DNAAF5: variants seen among roughly 807,000 people sequenced by gnomAD.
DNAAF5 encodes the protein dynein axonemal assembly factor 5.
DNAAF5 carries 64 observed loss-of-function variants against 75.8 expected under a neutral mutation model. The ratio of observed to expected loss-of-function variants is 0.84; its 90% CI spans 0.69 to 1.04. The LOEUF (loss-of-function observed/expected upper bound fraction) is 1.04. DNAAF5 is among the 50% of genes least tolerant of loss of function. The probability of loss-of-function intolerance (pLI) is 0.00; values close to 1 mark genes in which losing one functional copy is unlikely to be tolerated. For synonymous variants in DNAAF5, 657 were observed against 557.2 expected (o/e 1.18, Z -2.52); for missense variants, 1,269 against 1,178.5 (o/e 1.08, Z -1.12).
At chr7:761,419 A>G (rs1490118040) in intron 6 of DNAAF5, among the ~76,000 whole-genome samples, 1 of 152,268 alleles carries the variant, frequency 6.6e-6, no homozygotes, top group Non-Finnish European at 1.5e-5. Flanking sequence ...TGGGTAATTT[A>G]TAAAGAAAAA....
intron 2 of DNAAF5, 114 bp downstream of exon 2, chr7:729,961 TC>T: frequency 2.0e-6 from 2 of 984,884 alleles, no homozygotes; most frequent in South Asian, 1.6e-5. Context: ...GCACCAAATG[TC>T]CTTTCATTAT....
At chr7:743,907 T>A (rs1782000025) in intron 4 of DNAAF5, among the ~76,000 whole-genome samples, 1 of 150,130 alleles carries the variant, frequency 6.7e-6, no homozygotes, top group Non-Finnish European at 1.5e-5. Flanking sequence ...GTTCTTTTTT[T>A]ATTTTTTTAT....
In DNAAF5 at chr7:741,051, G is replaced by A. The variant is rs993156953; in HGVS notation, c.905+108G>A. 13 of 1,307,314 alleles carry A rather than the reference G, an allele frequency of 9.9e-6. 1 individual carries two copies. The highest frequency in any genetic ancestry group is 5.8e-5 in the African/African-American group (4 of 68,456). The allele number at this position is 1,307,314 out of a possible 1,614,324, so 81.0% of individuals were successfully genotyped here. On this transcript the variant is annotated intron_variant, in intron 3 of 12. Coordinates refer to ENST00000297440, the MANE Select transcript of DNAAF5 (RefSeq NM_017802.4). ...CACAGAAACCTGCTGGTGTCCCTTT[G>A]TCCCTGTGCTCCGAAGGGATGTGCC... is the stretch of plus-strand genomic sequence containing the variant.
rs537788600 is a variant in DNAAF5 at position 783,818 on chromosome 7, ACT to A, written c.2432-1695_2432-1694del. Among the ~76,000 whole-genome samples the A allele has an allele frequency of 6.6e-5, 10 of 151,180 alleles. No homozygotes were observed. The South Asian group carries it at 1.9e-3, about 28-fold the overall frequency. ...TCAACCCGAGTTCTGAGCTTCTCCT[ACT>A]CTCAGCCTCAGCCTCACTCGTCCTC... On this transcript the variant is annotated intron_variant, in intron 12 of 12. Coordinates refer to ENST00000297440, the MANE Select transcript of DNAAF5 (RefSeq NM_017802.4).
At chr7:768,876 G>A (rs1259613284) in intron 8 of DNAAF5, 2 of 483,696 alleles carry the variant, frequency 4.1e-6, no homozygotes, top group Non-Finnish European at 7.5e-6. Flanking sequence ...TGTAGAGAGG[G>A]TGAAACAGTC....
chr7:735,158 A>AGTT (rs1781698751), intron 2 of DNAAF5, among the ~76,000 whole-genome samples: 1 of 144,178 alleles, frequency 6.9e-6, no homozygotes, highest in Non-Finnish European at 1.5e-5. Flanking sequence ...CTCACGGTGT[A>AGTT]GTTCATGGTG....
Position 729,881 on chromosome 7 carries a change from C to G in DNAAF5, c.780+34C>G. 4 of 1,603,188 alleles carry G rather than the reference C, an allele frequency of 2.5e-6. 1 individual carries two copies. The South Asian group carries it at 3.3e-5, about 13-fold the overall frequency. On this transcript the variant is annotated intron_variant, in intron 2 of 12. Transcript: ENST00000297440. ...TGTTTCTCCTGGACAGTCTGTTCCT[C>G]TCTCCAACACAGGCGGGCTGACGTG... is the stretch of plus-strand genomic sequence containing the variant.
intron 4 of DNAAF5, among the ~76,000 whole-genome samples, chr7:744,684 G>A (rs1163489442): frequency 6.6e-6 from 1 of 152,194 alleles, no homozygotes; most frequent in Non-Finnish European, 1.5e-5. Context: ...GGAGAAATAG[G>A]AACACTTTTA....
At chr7:755,907 G>A (rs954845388) in intron 5 of DNAAF5, among the ~76,000 whole-genome samples, 10 of 152,362 alleles carry the variant, frequency 6.6e-5, no homozygotes, top group South Asian at 2.1e-4. Flanking sequence ...CTGAGAGGAC[G>A]AGAGACGTGT....
intron 6 of DNAAF5, among the ~76,000 whole-genome samples, chr7:759,436 C>T (rs1156649112): frequency 2.6e-5 from 4 of 152,120 alleles, no homozygotes; most frequent in South Asian, 2.1e-4. Context: ...GGGTAACTCA[C>T]CGATTTGCTT....
At chr7:761,972 T>G (rs1468556121) in intron 7 of DNAAF5, 76 bp downstream of exon 7, 12 of 407,204 alleles carry the variant, frequency 2.9e-5, no homozygotes, top group Non-Finnish European at 4.1e-5. Flanking sequence ...TGAGGTGAAC[T>G]GTCTCCTATG....
At chr7:782,123 C>T (rs1020616024) in intron 12 of DNAAF5, among the ~76,000 whole-genome samples, 3 of 152,236 alleles carry the variant, frequency 2.0e-5, no homozygotes, top group South Asian at 2.1e-4. Context: ...CTGGTGTGGC[C>T]GCCTCCCGTC....
chr7:762,511 G>T (rs1782693623), intron 7 of DNAAF5, among the ~76,000 whole-genome samples: 1 of 151,268 alleles, frequency 6.6e-6, no homozygotes, highest in Admixed American at 6.6e-5. Flanking sequence ...AAAAGTGCAT[G>T]TGCATGTGTG....
At chr7:781,318 C>T (rs917010116) in intron 12 of DNAAF5, among the ~76,000 whole-genome samples, 1 of 152,334 alleles carries the variant, frequency 6.6e-6, no homozygotes, top group East Asian at 1.9e-4. Flanking sequence ...AACATAGCGA[C>T]CTCCACTTCC....
intron 2 of DNAAF5, among the ~76,000 whole-genome samples, chr7:736,502 T>C (rs1485972573): frequency 6.6e-6 from 1 of 152,268 alleles, no homozygotes; most frequent in Non-Finnish European, 1.5e-5. Context: ...AAATCTGTTT[T>C]GTCTTAAGTG....
Position 757,001 on chromosome 7 carries a change from G to C in DNAAF5, c.1470+7G>C. The C allele has an allele frequency of 6.3e-7, 1 of 1,599,000 alleles. No homozygotes were observed. Among genetic ancestry groups the C allele is most frequent in the Non-Finnish European group, 8.5e-7 (1 of 1,178,590 alleles). ...CTGCCAGGCATCTGAAAACGTAAGA[G>C]CACTTGGGAGATGCGGGAGTGGAGA... On this transcript the variant is annotated splice_region_variant and intron_variant, in intron 6 of 12. Coordinates refer to ENST00000297440, the MANE Select transcript of DNAAF5 (RefSeq NM_017802.4).
At chr7:779,867 G>A in intron 11 of DNAAF5, 86 bp from the exon 12 acceptor site, 5 of 1,156,882 alleles carry the variant, frequency 4.3e-6, no homozygotes, top group Non-Finnish European at 4.9e-6. Context: ...GTGTCCCATG[G>A]GAGTATGAAC....
At chr7:738,893 G>C (rs1393429890) in intron 2 of DNAAF5, among the ~76,000 whole-genome samples, 3 of 152,224 alleles carry the variant, frequency 2.0e-5, no homozygotes, top group African/African-American at 7.2e-5. Flanking sequence ...CAGAGACCCT[G>C]GCACACAGTG....
intron 12 of DNAAF5, 55 bp downstream of exon 12, chr7:780,199 C>T (rs1778890963): frequency 5.9e-6 from 9 of 1,535,888 alleles, no homozygotes; most frequent in African/African-American, 1.4e-5. Context: ...GCGCCTGCCA[C>T]GGGCATCTGT....
Sources: gnomAD v4.1 joint callset for allele counts (sites outside exome capture counted in the v4.1 genomes callset) on GRCh38, gnomAD v4.1.1 for gene constraint, MANE v1.5 for transcripts, NCBI Gene and HGNC (gene_info 2026-07-23, HGNC 2026-07-21) for gene names.